ART5: variants seen among roughly 807,000 people sequenced by gnomAD.
ART5 encodes the protein ecto-ADP-ribosyltransferase 5.
ART5 carries 22 observed loss-of-function variants against 25.0 expected under a neutral mutation model. The observed-to-expected ratio is 0.88, with a 90% CI of 0.63 to 1.26. The LOEUF is 1.26. Ranked by LOEUF, ART5 falls within the 50% of genes most tolerant of loss-of-function variation. ART5 has a pLI of 0.00. For synonymous variants in ART5, 161 were observed against 154.8 expected, an observed-to-expected ratio of 1.04 and a Z score of -0.30; for missense variants, 402 against 372.8, an observed-to-expected ratio of 1.08 and a Z score of -0.64.
upstream of ART5, chr11:3,642,120 A>G (rs1402583978): frequency 1.5e-6 from 2 of 1,331,042 alleles, no homozygotes; most frequent in East Asian, 2.9e-5. Context: ...GAGACTGTAA[A>G]GGCGGGGCCG....
chr11:3,640,321 G>A lies in ART5; in HGVS notation c.108C>T (p.Asp36=), dbSNP rs773026423. The A allele has an allele frequency of 2.1e-5, 34 of 1,608,544 alleles. No individual in the cohort carries two copies. Among genetic ancestry groups the A allele is most frequent in the Non-Finnish European group, 2.5e-5 (29 of 1,178,744 alleles). The change falls in exon 2 of 4, where the codon GAC becomes GAT. Residue 36 remains aspartate (D), a synonymous_variant. Coordinates refer to ENST00000397068, the MANE Select transcript of ART5 (RefSeq NM_053017.5). ...CCTCTGCACAACCCACATAGGTATC[G>A]TCAAAGGTGTCTGGAGCCAGGCCCA... ...LPLGLAPDTF[D]DTYVGCAEEM... is the part of the protein sequence containing the mutation.
upstream of ART5, chr11:3,642,016 G>T (rs1343368499): frequency 1.4e-6 from 2 of 1,441,736 alleles, no homozygotes; most frequent in Non-Finnish European, 1.8e-6. Context: ...GGCGTGGGCG[G>T]GGCCTGGGAG....
chr11:3,638,713 G>T lies in ART5; in HGVS notation c.*25C>A, dbSNP rs1161796006. The T allele has an allele frequency of 1.2e-6, 2 of 1,613,978 alleles. No homozygotes were observed. The highest frequency in any genetic ancestry group is 2.7e-5 in the African/African-American group (2 of 74,928). The stretch of plus-strand genomic sequence containing the variant: ...GGTTGGGGAGAAGGCTGCTAGGGCT[G>T]GGTCCGGAACCATGTTCTTGCTTCT... On this transcript the variant is annotated 3_prime_UTR_variant, in exon 4 of 4. Transcript: ENST00000397068.
chr11:3,642,356 G>A (rs1222555596), upstream of ART5: 4 of 935,526 alleles, frequency 4.3e-6, no homozygotes, highest in Non-Finnish European at 5.1e-6. Context: ...GGGAGCGGGC[G>A]CGCCAGGGCA....
Position 3,640,063 on chromosome 11 carries a change from C to G in ART5, c.366G>C (p.Glu122Asp). 6.2e-7 allele frequency: 1 copy of G among 1,614,184 alleles called. No individual in the cohort carries two copies. The highest frequency in any genetic ancestry group is 1.3e-5 in the African/African-American group (1 of 75,078). Reference protein sequence around the residue: ...QAVRTGGGSRELYMRHFPFKA... With the variant: ...QAVRTGGGSRDLYMRHFPFKA... ...TGAAGGGAAAGTGCCTCATGTAGAG[C>G]TCCCGGGAGCCTCCGCCCGTCCGCA... The change falls in exon 2 of 4, where the codon GAG (glutamate) becomes GAC (aspartate). Residue 122 changes from glutamate to aspartate, a missense_variant. Glu to Asp is a conservative substitution (Grantham distance 45). Transcript: ENST00000397068.
chr11:3,640,100 A>G lies in ART5; in HGVS notation c.329T>C (p.Leu110Ser). 1.2e-6 allele frequency: 2 copies of G among 1,614,220 alleles called. No homozygotes were observed. The highest frequency in any genetic ancestry group is 1.7e-6 in the Non-Finnish European group (2 of 1,180,058). Residue 110 changes from leucine (L) to serine (S), a missense_variant, in exon 2 of 4, where the codon TTG becomes TCG. Physicochemically the swap from Leu to Ser is moderately radical, Grantham distance 145 (BLOSUM62 -2). Coordinates refer to ENST00000397068, the MANE Select transcript of ART5 (RefSeq NM_053017.5). ...TCCGCCCGTCCGCACGGCCTGATTC[A>G]ACTCCCAGTACAAGGTGTTCGATGA... Reference protein sequence around the residue: ...TNSSNTLYWELNQAVRTGGGS... With the variant: ...TNSSNTLYWESNQAVRTGGGS...
In ART5 at chr11:3,638,780, C is replaced by T. The variant is rs535586721; in HGVS notation, c.834G>A (p.Thr278=). Residue 278 remains threonine (T), a synonymous_variant, in exon 4 of 4, where the codon ACG becomes ACA. Coordinates refer to ENST00000397068, the MANE Select transcript of ART5 (RefSeq NM_053017.5). ...GCVSAPGALG[T]GDLHMTKRHL... is the part of the protein sequence containing the mutation. ...GCCTCTTCGTCATATGAAGGTCACC[C>T]GTTCCCAGGGCTCCTAAGTGGCAGA... 1.8e-5 allele frequency: 29 copies of T among 1,614,144 alleles called. No homozygotes were observed. In the East Asian group the frequency reaches 2.0e-4, roughly 11 times the overall value.
Position 3,639,786 on chromosome 11 carries a change from C to G in ART5, c.643G>C (p.Val215Leu), listed in dbSNP as rs768331757. The change falls in exon 2 of 4, where the codon GTC becomes CTC. Residue 215 changes from valine (V) to leucine (L), a missense_variant. Transcript: ENST00000397068. ...CFGAPIQAFS[V>L]FPKEREVLIP... ...AGCACCTCGCGCTCCTTGGGAAAGA[C>G]AGAGAAGGCCTGTATAGGGGCCCCA... 3 of 1,614,176 alleles carry G rather than the reference C, an allele frequency of 1.9e-6. No homozygotes were observed. Among genetic ancestry groups the G allele is most frequent in the Non-Finnish European group, 2.5e-6 (3 of 1,180,040 alleles).
chr11:3,640,503 G>T, intron 1 of ART5, 132 bp from the exon 2 acceptor site: 2 of 1,189,736 alleles, frequency 1.7e-6, no homozygotes, highest in South Asian at 1.8e-5. Context: ...ATGCAATTTG[G>T]CAAGGGCCCA....
chr11:3,639,951 G>C lies in ART5; in HGVS notation c.478C>G (p.Arg160Gly), dbSNP rs754739993. The C allele has an allele frequency of 6.2e-7, 1 of 1,614,110 alleles. No individual in the cohort carries two copies. The highest frequency in any genetic ancestry group is 1.1e-5 in the South Asian group (1 of 91,084). ...CSRGPGEVVFRGVGSLRFEPK... is the reference protein window; with the variant it reads ...CSRGPGEVVFGGVGSLRFEPK... The stretch of plus-strand genomic sequence containing the variant: ...TCAAAGCGAAGGCTGCCCACACCTC[G>C]GAACACCACCTCCCCAGGTCCCCTG... Residue 160 changes from arginine (R) to glycine (G), a missense_variant, in exon 2 of 4, where the codon CGA becomes GGA. Physicochemically the swap from Arg to Gly is moderately radical, Grantham distance 125. Transcript: ENST00000397068.
At chr11:3,641,763 C>G (rs1318936951) in intron 1 of ART5, 43 bp downstream of exon 1, 1 of 1,558,268 alleles carries the variant, frequency 6.4e-7, no homozygotes, top group South Asian at 1.2e-5. Context: ...GGGTCTGTCC[C>G]TTAATGTCCC....
chr11:3,642,356 G>T, upstream of ART5: 1 of 935,640 alleles, frequency 1.1e-6, no homozygotes, highest in Non-Finnish European at 1.3e-6. Context: ...GGGAGCGGGC[G>T]CGCCAGGGCA....
chr11:3,640,313 T>A lies in ART5; in HGVS notation c.116A>T (p.Tyr39Phe). The stretch of plus-strand genomic sequence containing the variant: ...CTCCATCTCCTCTGCACAACCCACA[T>A]AGGTATCGTCAAAGGTGTCTGGAGC... ...GLAPDTFDDT[Y>F]VGCAEEMEEK... Residue 39 changes from tyrosine to phenylalanine, a missense_variant, in exon 2 of 4, where the codon TAT becomes TTT. Tyr to Phe is a conservative substitution (Grantham distance 22). Coordinates refer to ENST00000397068, the MANE Select transcript of ART5 (RefSeq NM_053017.5). 6.2e-7 allele frequency: 1 copy of A among 1,612,082 alleles called. No homozygotes were observed.
At chr11:3,638,890 C>T (rs764098127) in intron 3 of ART5, 97 bp from the exon 4 acceptor site, 149 of 1,609,778 alleles carry the variant, frequency 9.3e-5, no homozygotes, top group Non-Finnish European at 1.2e-4. Context: ...AGAGAGGAGG[C>T]CCCCTCAGAT....
At chr11:3,641,121 C>T (rs2077389733) in intron 1 of ART5, among the ~76,000 whole-genome samples, 1 of 152,158 alleles carries the variant, frequency 6.6e-6, no homozygotes, top group South Asian at 2.1e-4. Flanking sequence ...AGGATACTTC[C>T]AACCTCACAG....
At chr11:3,641,745 C>A in intron 1 of ART5, 61 bp downstream of exon 1, 1 of 1,548,416 alleles carries the variant, frequency 6.5e-7, no homozygotes, top group Non-Finnish European at 8.7e-7. Flanking sequence ...CCCGGGTCCA[C>A]TTCCTCAGGG....
At position 3,638,625 on chromosome 11, in the gene ART5, G is replaced by A. The variant is rs2077346490; in HGVS notation, c.*113C>T. The A allele has an allele frequency of 7.6e-7, 1 of 1,312,544 alleles. No individual in the cohort carries two copies. Among genetic ancestry groups the A allele is most frequent in the African/African-American group, 1.5e-5 (1 of 67,788 alleles). 81.3% of individuals were successfully genotyped at this position (1,312,544 alleles called of 1,614,324 possible). A position where few individuals can be genotyped will look rare whatever the true frequency, so the allele number is the denominator to read the frequency against. On this transcript the variant is annotated 3_prime_UTR_variant, in exon 4 of 4. Transcript: ENST00000397068. ...TCAGTACTTTCCTTGCTTGTCCCAG[G>A]AAGTCCCCATCACATAGCAGAGTTC...
upstream of ART5, chr11:3,642,197 C>G: frequency 8.6e-7 from 1 of 1,168,026 alleles, no homozygotes; most frequent in Non-Finnish European, 1.1e-6. Context: ...GCGGAAGCCG[C>G]CAGCGGGAGG....
rs201448444 is a variant in ART5 at position 3,641,801 on chromosome 11, G to A, written c.57+5C>T. ...TTGGGGCTAGGAGATGGTTCCTGGAGTTACCTGCCAGGTGTGGAGGCCGAG... is the reference window on the plus strand; with the variant it reads ...TTGGGGCTAGGAGATGGTTCCTGGAATTACCTGCCAGGTGTGGAGGCCGAG... On this transcript the variant is annotated splice_donor_5th_base_variant and intron_variant, in intron 1 of 3. Coordinates refer to ENST00000397068, the MANE Select transcript of ART5 (RefSeq NM_053017.5). 1.6e-5 allele frequency: 25 copies of A among 1,575,134 alleles called. No homozygotes were observed. In the South Asian group the frequency reaches 2.5e-4, roughly 15 times the overall value.
Sources: allele counts gnomAD v4.1 joint callset (sites outside exome capture counted in the v4.1 genomes callset), GRCh38; gene constraint gnomAD v4.1.1; transcripts MANE v1.5; gene names NCBI Gene and HGNC (gene_info 2026-07-23, HGNC 2026-07-21).